DLC1: variants seen among roughly 807,000 people sequenced by gnomAD.
The protein encoded by DLC1 is rho GTPase-activating protein 7.
DLC1 carries 54 observed loss-of-function variants against 140.3 expected under a neutral mutation model. The observed-to-expected ratio is 0.38, with a 90% CI of 0.31 to 0.48. The LOEUF (loss-of-function observed/expected upper bound fraction) is 0.48. Among genes scored for constraint, DLC1 ranks in the 20% least tolerant of loss-of-function variants. The pLI is 0.96. For synonymous variants in DLC1, 986 were observed against 728.1 expected (o/e 1.35, Z -5.70); for missense variants, 2,536 against 1,907.0 (o/e 1.33, Z -6.14).
intron 2 of DLC1, among the ~76,000 whole-genome samples, chr8:13,471,855 G>C (rs1376479599): frequency 6.6e-6 from 1 of 152,140 alleles, no homozygotes. Flanking sequence ...CCACTCCCAA[G>C]CTCACTGGGT....
chr8:13,489,422 C>CACAT lies in DLC1; in HGVS notation c.1023+9626_1023+9627insATGT. The stretch of plus-strand genomic sequence containing the variant: ...AAAACACACACACCATACACACACA[C>CACAT]ACACACACACACACACACACACACA... On this transcript the variant is annotated intron_variant, in intron 2 of 17. Transcript: ENST00000276297. Among the ~76,000 whole-genome samples the CACAT allele has an allele frequency of 2.7e-5, 4 of 145,746 alleles. No individual in the cohort carries two copies. In the Middle Eastern group the frequency reaches 0.011, roughly 402 times the overall value.
chr8:13,530,857 T>C (rs532111328), intron 1 of DLC1, among the ~76,000 whole-genome samples: 2 of 152,158 alleles, frequency 1.3e-5, no homozygotes, highest in African/African-American at 2.4e-5. Flanking sequence ...TAAAAACAAA[T>C]GAAAAACTCT....
At chr8:13,491,724 T>G (rs1801254846) in intron 2 of DLC1, among the ~76,000 whole-genome samples, 2 of 152,180 alleles carry the variant, frequency 1.3e-5, no homozygotes, top group Admixed American at 1.3e-4. Flanking sequence ...CTTGTCCCTC[T>G]TCTTCCCTCA....
chr8:13,582,054 G>GA (rs1563456069), intron 1 of DLC1, among the ~76,000 whole-genome samples: 1 of 152,072 alleles, frequency 6.6e-6, no homozygotes, highest in African/African-American at 2.4e-5. Flanking sequence ...AGGGATTGGA[G>GA]AAAAAACAAA....
At position 13,099,922 on chromosome 8, in the gene DLC1, C is replaced by A. The variant is rs573938396; in HGVS notation, c.2415G>T (p.Thr805=). The A allele has an allele frequency of 6.2e-7, 1 of 1,613,950 alleles. No individual in the cohort carries two copies. The highest frequency in any genetic ancestry group is 2.2e-5 in the East Asian group (1 of 44,872). ...FKNRESYPED[T]VFYIPEDHKP... is the part of the protein sequence containing the mutation. The stretch of plus-strand genomic sequence containing the variant: ...TGTGATCTTCAGGGATGTAGAACAC[C>A]GTGTCCTCTGGGTAGCTCTCGCGGT... Residue 805 remains threonine, a synonymous_variant, in exon 9 of 18, where the codon ACG becomes ACT. Coordinates refer to ENST00000276297, the MANE Select transcript of DLC1 (RefSeq NM_182643.3).
intron 4 of DLC1, among the ~76,000 whole-genome samples, chr8:13,324,848 C>T (rs1473387581): frequency 6.6e-6 from 1 of 151,194 alleles, no homozygotes; most frequent in Non-Finnish European, 1.5e-5. Context: ...GAAGGTGTTT[C>T]GTGTGTGTGT....
intron 4 of DLC1, among the ~76,000 whole-genome samples, chr8:13,351,476 G>A (rs1192191295): frequency 6.6e-6 from 1 of 152,060 alleles, no homozygotes; most frequent in African/African-American, 2.4e-5. Context: ...CCCCAGTTTT[G>A]ATATATCTTG....
intron 6 of DLC1, among the ~76,000 whole-genome samples, chr8:13,114,127 C>T (rs1225136147): frequency 6.6e-6 from 1 of 152,200 alleles, no homozygotes; most frequent in Non-Finnish European, 1.5e-5. Flanking sequence ...TTTGGGAGGC[C>T]AAGGTGGGTG....
chr8:13,465,240 G>T (rs1028555912), intron 2 of DLC1, among the ~76,000 whole-genome samples: 1 of 152,104 alleles, frequency 6.6e-6, no homozygotes, highest in Non-Finnish European at 1.5e-5. Context: ...GAACAAAATC[G>T]AGTGTTTCTA....
At chr8:13,162,798 A>C (rs1203565625) in intron 5 of DLC1, among the ~76,000 whole-genome samples, 1 of 152,084 alleles carries the variant, frequency 6.6e-6, no homozygotes, top group Non-Finnish European at 1.5e-5. Context: ...CCCCTCAAAA[A>C]AGCCCGGTGT....
At chr8:13,321,163 T>TA (rs1833090331) in intron 4 of DLC1, among the ~76,000 whole-genome samples, 1 of 152,180 alleles carries the variant, frequency 6.6e-6, no homozygotes, top group African/African-American at 2.4e-5. Flanking sequence ...AAAGAACTTT[T>TA]AAAAAAATAC....
At chr8:13,371,851 C>T (rs1375808007) in intron 4 of DLC1, among the ~76,000 whole-genome samples, 1 of 152,094 alleles carries the variant, frequency 6.6e-6, no homozygotes, top group Non-Finnish European at 1.5e-5. Context: ...ACACAGTAGG[C>T]ACTCACTCAA....
At chr8:13,320,185 C>A (rs556706499) in intron 4 of DLC1, among the ~76,000 whole-genome samples, 2 of 152,228 alleles carry the variant, frequency 1.3e-5, no homozygotes, top group African/African-American at 4.8e-5. Context: ...TAAATTGGCA[C>A]TATGTCAAAT....
intron 1 of DLC1, among the ~76,000 whole-genome samples, chr8:13,590,757 C>T (rs985460812): frequency 1.3e-5 from 2 of 151,962 alleles, no homozygotes; most frequent in Admixed American, 6.6e-5. Context: ...CCTAATTATG[C>T]CATTATTTAA....
At chr8:13,285,368 T>C (rs1378359731) in intron 5 of DLC1, among the ~76,000 whole-genome samples, 1 of 152,150 alleles carries the variant, frequency 6.6e-6, no homozygotes, top group East Asian at 1.9e-4. Flanking sequence ...CCTTGAGCTT[T>C]ACCTCACACC....
intron 5 of DLC1, chr8:13,214,574 T>TTTTTGGCTGCCC: frequency 1.5e-6 from 1 of 647,506 alleles, no homozygotes; most frequent in Non-Finnish European, 2.8e-6. Context: ...TTTTTTTTTT[T>TTTTTGGCTGCCC]GTGGCTGCCC....
At chr8:13,366,192 C>T (rs1374217419) in intron 4 of DLC1, among the ~76,000 whole-genome samples, 1 of 152,148 alleles carries the variant, frequency 6.6e-6, no homozygotes, top group African/African-American at 2.4e-5. Flanking sequence ...TATTGGGAGC[C>T]CAGGGCTGAA....
intron 1 of DLC1, among the ~76,000 whole-genome samples, chr8:13,597,513 T>C (rs1353054709): frequency 6.6e-6 from 1 of 152,044 alleles, no homozygotes; most frequent in Admixed American, 6.6e-5. Context: ...ACTCTGGGTG[T>C]TTTACCCTTT....
chr8:13,268,895 G>C (rs1354900397), intron 5 of DLC1, among the ~76,000 whole-genome samples: 3 of 115,548 alleles, frequency 2.6e-5, no homozygotes, highest in Admixed American at 9.6e-5. Context: ...TTTTTTTTGA[G>C]ATGGAGTCTC....
Sources: allele counts gnomAD v4.1 joint callset (sites outside exome capture counted in the v4.1 genomes callset), GRCh38; gene constraint gnomAD v4.1.1; transcripts MANE v1.5; gene names NCBI Gene and HGNC (gene_info 2026-07-23, HGNC 2026-07-21).